LINGO2: variants seen among roughly 807,000 people sequenced by gnomAD.
LINGO2 encodes the protein leucine-rich repeat and immunoglobulin-like domain-containing nogo receptor-interacting protein 2.
A neutral mutation model predicts 30.6 loss-of-function variants in LINGO2; 14 were observed. That is an observed-to-expected ratio of 0.46 (90% CI 0.30 to 0.72). The LOEUF (loss-of-function observed/expected upper bound fraction) is 0.72, where lower values mean the gene tolerates loss of function less well. LINGO2 is among the 30% of genes least tolerant of loss of function. The probability of loss-of-function intolerance (pLI) is 0.07; values close to 1 mark genes in which losing one functional copy is unlikely to be tolerated. For synonymous variants in LINGO2, 317 were observed against 288.5 expected (o/e 1.10, Z -1.00); for missense variants, 729 against 751.7 (o/e 0.97, Z 0.35).
the LINGO2 span, among the ~76,000 whole-genome samples, chr9:29,181,785 T>G: frequency 5.8e-5 from 8 of 138,674 alleles, no homozygotes; most frequent in Admixed American, 5.4e-4. Context: ...AAACAGCCCC[T>G]GTCTTGAATT....
chr9:28,187,134 T>A lies in LINGO2; in HGVS notation c.-87+108074A>T, dbSNP rs539258934. Reference sequence around the variant, plus strand: ...ATCAGAATAGACATACTAAAGGAAGTAAGAAAATGTGGGTATATTTTAAAG... The same window carrying A: ...ATCAGAATAGACATACTAAAGGAAGAAAGAAAATGTGGGTATATTTTAAAG... On this transcript the variant is annotated intron_variant, in intron 4 of 5. Transcript: ENST00000379992. Among the ~76,000 whole-genome samples, 303 of 151,880 alleles carry A rather than the reference T, an allele frequency of 2.0e-3. 2 individuals are homozygous for A. Among genetic ancestry groups the A allele is most frequent in the Non-Finnish European group, 3.8e-3 (259 of 67,926 alleles).
Position 28,189,694 on chromosome 9 carries a change from AGG to A in LINGO2, c.-87+105512_-87+105513del, listed in dbSNP as rs1564029603. On this transcript the variant is annotated intron_variant, in intron 4 of 5. Coordinates refer to ENST00000379992, the Ensembl canonical transcript of LINGO2. ...GAGGAAGGAAGGAAGGGAGGAAGGA[AGG>A]GAGGGAGGAAGGAAGGAAGGAAGGA... is the stretch of plus-strand genomic sequence containing the variant. 9.2e-4 allele frequency among the ~76,000 whole-genome samples: 51 copies of A among 55,142 alleles called. 3 individuals carry two copies. Among genetic ancestry groups the A allele is most frequent in the Admixed American group, 1.5e-3 (8 of 5,214 alleles). 36.2% of individuals were successfully genotyped at this position (55,142 alleles called of 152,430 possible).
chr9:28,746,381 G>T, the LINGO2 span, among the ~76,000 whole-genome samples: 1 of 152,018 alleles, frequency 6.6e-6, no homozygotes, highest in Non-Finnish European at 1.5e-5. Flanking sequence ...CCACAGGAAA[G>T]TTCCTCTGGA....
intron 1 of LINGO2, among the ~76,000 whole-genome samples, chr9:28,643,304 C>A (rs886661852): frequency 6.6e-6 from 1 of 151,814 alleles, no homozygotes; most frequent in Non-Finnish European, 1.5e-5. Context: ...CAGAGCTGTA[C>A]TTAACCAAAA....
chr9:28,825,744 C>G, the LINGO2 span, among the ~76,000 whole-genome samples: 2 of 152,120 alleles, frequency 1.3e-5, no homozygotes, highest in African/African-American at 2.4e-5. Flanking sequence ...CTATGCCAGC[C>G]TCAGACCCAT....
intron 2 of LINGO2, among the ~76,000 whole-genome samples, chr9:28,451,153 T>A (rs1338624526): frequency 3.9e-5 from 6 of 151,920 alleles, no homozygotes. Flanking sequence ...TAGTTCTAAT[T>A]CTTCAATATT....
intron 1 of LINGO2, among the ~76,000 whole-genome samples, chr9:28,608,930 T>C (rs1269460163): frequency 6.6e-6 from 1 of 151,970 alleles, no homozygotes; most frequent in Non-Finnish European, 1.5e-5. Flanking sequence ...GGGAGATATA[T>C]ATTTTGCTCT....
At chr9:28,960,639 G>C in the LINGO2 span, among the ~76,000 whole-genome samples, 2 of 41,950 alleles carry the variant, frequency 4.8e-5, no homozygotes, top group African/African-American at 1.1e-4. Context: ...AAAGTATTCT[G>C]ATATTATTTA....
At chr9:29,175,827 A>G in the LINGO2 span, among the ~76,000 whole-genome samples, 1 of 152,158 alleles carries the variant, frequency 6.6e-6, no homozygotes, top group Admixed American at 6.6e-5. Flanking sequence ...AGGACTTCAA[A>G]GGAAATAATA....
chr9:28,075,845 C>T (rs1825607433), intron 4 of LINGO2, among the ~76,000 whole-genome samples: 1 of 151,824 alleles, frequency 6.6e-6, no homozygotes, highest in South Asian at 2.1e-4. Flanking sequence ...TCTATTATTT[C>T]ATAGCTGCTT....
chr9:28,850,695 C>G, the LINGO2 span, among the ~76,000 whole-genome samples: 6 of 152,040 alleles, frequency 3.9e-5, no homozygotes, highest in Non-Finnish European at 8.8e-5. Context: ...CTGCCAGTGG[C>G]TATGGCCCAG....
intron 1 of LINGO2, among the ~76,000 whole-genome samples, chr9:28,650,227 T>C (rs758655450): frequency 2.0e-5 from 3 of 152,136 alleles, no homozygotes; most frequent in Admixed American, 6.5e-5. Flanking sequence ...TTGTTCCAAA[T>C]TGACATGCCT....
chr9:29,191,762 C>T, the LINGO2 span, among the ~76,000 whole-genome samples: 2 of 152,236 alleles, frequency 1.3e-5, no homozygotes, highest in East Asian at 3.9e-4. Flanking sequence ...TTTTGAAGCA[C>T]TTATTATCAG....
the LINGO2 span, among the ~76,000 whole-genome samples, chr9:28,795,056 C>A: frequency 6.6e-6 from 1 of 152,060 alleles, no homozygotes; most frequent in Non-Finnish European, 1.5e-5. Context: ...GTCTGGATCT[C>A]CTGACCTCAG....
At chr9:28,674,591 T>C (rs1829147247), upstream of LINGO2, among the ~76,000 whole-genome samples, 1 of 152,204 alleles carries the variant, frequency 6.6e-6, no homozygotes, top group Non-Finnish European at 1.5e-5. Flanking sequence ...TCTCACACTT[T>C]ATTTCAAGGT....
the LINGO2 span, among the ~76,000 whole-genome samples, chr9:29,048,024 T>G: frequency 6.6e-6 from 1 of 152,020 alleles, no homozygotes; most frequent in Admixed American, 6.6e-5. Flanking sequence ...GGCATGAGAA[T>G]CACTTGAACC....
At chr9:29,043,772 G>C in the LINGO2 span, among the ~76,000 whole-genome samples, 23 of 151,952 alleles carry the variant, frequency 1.5e-4, no homozygotes, top group African/African-American at 5.3e-4. Context: ...ACAGTTATAT[G>C]CAGTGACTAT....
chr9:28,758,740 A>G, the LINGO2 span, among the ~76,000 whole-genome samples: 1 of 152,112 alleles, frequency 6.6e-6, no homozygotes, highest in Non-Finnish European at 1.5e-5. Context: ...CTGTTATCTT[A>G]TAATTAAATG....
chr9:28,631,312 C>T (rs1228399450), intron 1 of LINGO2, among the ~76,000 whole-genome samples: 1 of 151,174 alleles, frequency 6.6e-6, no homozygotes, highest in Non-Finnish European at 1.5e-5. Flanking sequence ...CTCCCCCCAC[C>T]CCCACCCCAT....
Sources: allele counts gnomAD v4.1 joint callset (sites outside exome capture counted in the v4.1 genomes callset), GRCh38; gene constraint gnomAD v4.1.1; transcripts MANE v1.5; gene names NCBI Gene and HGNC (gene_info 2026-07-23, HGNC 2026-07-21).